The following ATP6V0D2 variants were observed in gnomAD, a reference collection of about 807,000 sequenced individuals.
ATP6V0D2 encodes ATPase H+ transporting V0 subunit d2, also known as V-type proton ATPase subunit d 2.
ATP6V0D2 carries 40 observed loss-of-function variants against 40.0 expected under a neutral mutation model. That is an observed-to-expected ratio of 1.00 (90% CI 0.78 to 1.30). The LOEUF (loss-of-function observed/expected upper bound fraction) is 1.30, where lower values mean the gene tolerates loss of function less well. ATP6V0D2 is among the 50% of genes most tolerant of loss of function. ATP6V0D2 has a pLI of 0.00. For missense variants in ATP6V0D2, 470 were observed against 423.1 expected, an observed-to-expected ratio of 1.11 and a Z score of -0.97; for synonymous variants, 179 against 156.3, an observed-to-expected ratio of 1.15 and a Z score of -1.08.
At chr8:86,103,060 A>T (rs1818423806) in intron 1 of ATP6V0D2, among the ~76,000 whole-genome samples, 1 of 152,158 alleles carries the variant, frequency 6.6e-6, no homozygotes. Flanking sequence ...CTTTTCTAAA[A>T]CATATGACAA....
At chr8:86,149,283 G>T (rs1819112324) in intron 5 of ATP6V0D2, among the ~76,000 whole-genome samples, 1 of 151,900 alleles carries the variant, frequency 6.6e-6, no homozygotes, top group Non-Finnish European at 1.5e-5. Context: ...CAGAGGAGGA[G>T]AACCAAGAGA....
At chr8:86,151,946 T>C (rs1228209212) in intron 7 of ATP6V0D2, among the ~76,000 whole-genome samples, 1 of 152,090 alleles carries the variant, frequency 6.6e-6, no homozygotes, top group Non-Finnish European at 1.5e-5. Flanking sequence ...GTGTTATACT[T>C]TAAGTTCTGA....
intron 2 of ATP6V0D2, among the ~76,000 whole-genome samples, chr8:86,124,269 G>A (rs953459358): frequency 6.6e-5 from 10 of 152,114 alleles, no homozygotes; most frequent in Admixed American, 2.0e-4. Context: ...AAACACTGGC[G>A]CTATTCTGCC....
chr8:86,139,895 G>A (rs926097708), intron 3 of ATP6V0D2, among the ~76,000 whole-genome samples: 38 of 152,156 alleles, frequency 2.5e-4, no homozygotes, highest in African/African-American at 8.2e-4. Context: ...ATTTGTAGTA[G>A]AGAAGGAACT....
At chr8:86,112,552 T>C (rs1472467143) in intron 1 of ATP6V0D2, among the ~76,000 whole-genome samples, 1 of 152,128 alleles carries the variant, frequency 6.6e-6, no homozygotes, top group South Asian at 2.1e-4. Context: ...ACAAGTTCAG[T>C]ACAATACCTG....
chr8:86,148,786 C>G lies in ATP6V0D2; in HGVS notation c.640-1326C>G, dbSNP rs151274724. Among the ~76,000 whole-genome samples the G allele has an allele frequency of 1.3e-3, 201 of 152,098 alleles. 4 individuals carry two copies. The highest frequency in any genetic ancestry group is 4.7e-3 in the African/African-American group (193 of 41,488). On this transcript the variant is annotated intron_variant, in intron 5 of 7. Coordinates refer to ENST00000285393, the MANE Select transcript of ATP6V0D2 (RefSeq NM_152565.1). ...CAGGCACTGGCTATTCAAAAATGAA[C>G]AAAAGGCTGGGCGTGGTGGCTCATG...
chr8:86,145,788 C>T (rs1268187537), intron 5 of ATP6V0D2, among the ~76,000 whole-genome samples: 1 of 152,152 alleles, frequency 6.6e-6, no homozygotes, highest in Non-Finnish European at 1.5e-5. Context: ...ACTTTATACC[C>T]ATGAAATATG....
At position 86,118,026 on chromosome 8, in the gene ATP6V0D2, CTTTT is replaced by C. The variant is rs767761169; in HGVS notation, c.302+4152_302+4155del. ...GTTTTCTTTCTTTCTTTCTTTCTTT[CTTTT>C]TTTTTCTTTCTTTCTTCTTTCTTTT... On this transcript the variant is annotated intron_variant, in intron 2 of 7. Coordinates refer to ENST00000285393, the MANE Select transcript of ATP6V0D2 (RefSeq NM_152565.1). Among the ~76,000 whole-genome samples, 286 of 108,534 alleles carry C rather than the reference CTTTT, an allele frequency of 2.6e-3. 2 individuals carry two copies. Among genetic ancestry groups the C allele is most frequent in the South Asian group, 8.1e-3 (26 of 3,202 alleles). 71.2% of individuals were successfully genotyped at this position (108,534 alleles called of 152,430 possible). A position where few individuals can be genotyped will look rare whatever the true frequency, so the allele number is the denominator to read the frequency against.
chr8:86,150,153 C>A lies in ATP6V0D2; in HGVS notation c.681C>A (p.Ser227=), dbSNP rs765738561. ...GTGCTTTTATCATCACTCTTAACTC[C>A]TTTGGCACTGAATTGAGCAAAGAAG... ...DRRAFIITLN[S]FGTELSKEDR... Residue 227 remains serine (S), a synonymous_variant, in exon 6 of 8, where the codon TCC becomes TCA. Coordinates refer to ENST00000285393, the MANE Select transcript of ATP6V0D2 (RefSeq NM_152565.1). The A allele has an allele frequency of 3.7e-6, 6 of 1,613,494 alleles. No individual in the cohort carries two copies. The African/African-American group carries it at 4.0e-5, about 11-fold the overall frequency.
At chr8:86,101,192 C>T (rs1818392503) in intron 1 of ATP6V0D2, among the ~76,000 whole-genome samples, 1 of 150,216 alleles carries the variant, frequency 6.7e-6, no homozygotes, top group Non-Finnish European at 1.5e-5. Flanking sequence ...GGTATAGTGG[C>T]TCATGCCTGT....
intron 2 of ATP6V0D2, among the ~76,000 whole-genome samples, chr8:86,119,491 A>C (rs542363224): frequency 6.6e-6 from 1 of 152,212 alleles, no homozygotes; most frequent in African/African-American, 2.4e-5. Context: ...GGTCTCCCAA[A>C]GTGCTGGGAT....
chr8:86,149,968 C>T, intron 5 of ATP6V0D2, 144 bp from the exon 6 acceptor site: 1 of 732,120 alleles, frequency 1.4e-6, no homozygotes, highest in Non-Finnish European at 2.2e-6. Flanking sequence ...TAAGGGAACA[C>T]TAATAACACA....
rs537516086 is a variant in ATP6V0D2, at chr8:86,152,611, C to T, written c.892-205C>T. Among the ~76,000 whole-genome samples the T allele has an allele frequency of 3.3e-5, 5 of 152,260 alleles. No individual in the cohort carries two copies. In the South Asian group the frequency reaches 6.2e-4, roughly 19 times the overall value. On this transcript the variant is annotated intron_variant, in intron 7 of 7. Coordinates refer to ENST00000285393, the MANE Select transcript of ATP6V0D2 (RefSeq NM_152565.1). ...TCTACAAACTTACTTTAATAACTTC[C>T]GTTGTCTACATTTATCTGCAGAGTG... is the stretch of plus-strand genomic sequence containing the variant.
chr8:86,108,343 T>C (rs1458135245), intron 1 of ATP6V0D2, among the ~76,000 whole-genome samples: 1 of 152,088 alleles, frequency 6.6e-6, no homozygotes, highest in African/African-American at 2.4e-5. Context: ...GGTTTTGCCA[T>C]GTTGCCCAGT....
At position 86,150,138 on chromosome 8, in the gene ATP6V0D2, C is replaced by T. The variant is rs1334177383; in HGVS notation, c.666C>T (p.Ile222=). 6.2e-7 allele frequency: 1 copy of T among 1,612,600 alleles called. No individual in the cohort carries two copies. Among genetic ancestry groups the T allele is most frequent in the East Asian group, 2.2e-5 (1 of 44,812 alleles). The change falls in exon 6 of 8, where the codon ATC becomes ATT. Residue 222 remains isoleucine (I), a synonymous_variant. Transcript: ENST00000285393. ...TTGAGGCCGACAGACGTGCTTTTAT[C>T]ATCACTCTTAACTCCTTTGGCACTG... ...LEFEADRRAF[I]ITLNSFGTEL...
At chr8:86,106,259 A>G (rs1563555112) in intron 1 of ATP6V0D2, among the ~76,000 whole-genome samples, 1 of 152,032 alleles carries the variant, frequency 6.6e-6, no homozygotes, top group Non-Finnish European at 1.5e-5. Flanking sequence ...TAGCCTTTCA[A>G]GTACCTGGGA....
intron 5 of ATP6V0D2, among the ~76,000 whole-genome samples, chr8:86,146,444 C>T (rs1425937816): frequency 6.6e-6 from 1 of 151,934 alleles, no homozygotes; most frequent in East Asian, 1.9e-4. Context: ...GCCTGTAATC[C>T]CAGCACTTTG....
intron 5 of ATP6V0D2, among the ~76,000 whole-genome samples, chr8:86,144,763 C>T (rs900637): frequency 0.86 from 130,820 of 151,916 alleles, 56,510 homozygotes; most frequent in Middle Eastern, 0.91. Flanking sequence ...ACCTCTTGGG[C>T]TCAAATGATC....
In ATP6V0D2 at chr8:86,141,785, G is replaced by C. The variant is rs537232795; in HGVS notation, c.561+256G>C. On this transcript the variant is annotated intron_variant, in intron 4 of 7. Transcript: ENST00000285393. Reference sequence around the variant, plus strand: ...ATTCCTAGCTCCTTGCATGGTACCTGGAACATAAAAGGTGTTTGGATGATG... The same window carrying C: ...ATTCCTAGCTCCTTGCATGGTACCTCGAACATAAAAGGTGTTTGGATGATG... Among the ~76,000 whole-genome samples the C allele has an allele frequency of 3.9e-5, 6 of 152,268 alleles. No individual in the cohort carries two copies. The East Asian group carries it at 1.2e-3, about 29-fold the overall frequency.
Sources: gnomAD v4.1 joint callset for allele counts (sites outside exome capture counted in the v4.1 genomes callset) on GRCh38, gnomAD v4.1.1 for gene constraint, MANE v1.5 for transcripts, NCBI Gene and HGNC (gene_info 2026-07-23, HGNC 2026-07-21) for gene names.